The following ZNF236 variants were observed in gnomAD, a reference collection of about 807,000 sequenced individuals.
ZNF236 encodes zinc finger protein 236, also known as regulated by glucose.
A neutral mutation model predicts 191.2 loss-of-function variants in ZNF236; 50 were observed. The ratio of observed to expected loss-of-function variants is 0.26; its 90% CI spans 0.21 to 0.33. ZNF236 has a LOEUF of 0.33. Ranked by LOEUF, ZNF236 falls within the 10% of genes least tolerant of loss-of-function variation. ZNF236 has a pLI of 1.00. For missense variants in ZNF236, 1,754 were observed against 2,374.5 expected, an observed-to-expected ratio of 0.74 and a Z score of 5.43; for synonymous variants, 907 against 928.8, an observed-to-expected ratio of 0.98 and a Z score of 0.43.
chr18:76,853,694 G>A (rs982765546), intron 3 of ZNF236, among the ~76,000 whole-genome samples: 1 of 152,002 alleles, frequency 6.6e-6, no homozygotes, highest in Non-Finnish European at 1.5e-5. Flanking sequence ...TGGGGACTAA[G>A]TTAATAAGAA....
At chr18:76,852,372 A>C (rs1975902689) in intron 3 of ZNF236, among the ~76,000 whole-genome samples, 1 of 152,220 alleles carries the variant, frequency 6.6e-6, no homozygotes, top group African/African-American at 2.4e-5. Context: ...TGATGGCCCA[A>C]AGCAGCTTAT....
At chr18:76,894,969 G>T in intron 9 of ZNF236, 44 bp from the exon 10 acceptor site, 1 of 1,595,084 alleles carries the variant, frequency 6.3e-7, no homozygotes. Flanking sequence ...CTGACCCTAG[G>T]CGGGGTGTCC....
At chr18:76,939,220 C>T (rs1599412318) in intron 26 of ZNF236, among the ~76,000 whole-genome samples, 1 of 152,110 alleles carries the variant, frequency 6.6e-6, no homozygotes, top group Non-Finnish European at 1.5e-5. Context: ...GTGATTCCAG[C>T]TACTTGGGAG....
In ZNF236 at chr18:76,880,844, GT is replaced by G. The variant is rs1469550521; in HGVS notation, c.1189-437del. 3.3e-5 allele frequency among the ~76,000 whole-genome samples: 5 copies of G among 152,100 alleles called. No homozygotes were observed. The highest frequency in any genetic ancestry group is 1.2e-4 in the African/African-American group (5 of 41,428). On this transcript the variant is annotated intron_variant, in intron 8 of 30. Coordinates refer to ENST00000320610, the MANE Select transcript of ZNF236 (RefSeq NM_001306089.2). The surrounding 1 kb of genome is among the most constrained non-coding windows in gnomAD (Gnocchi z 5.0). ...CACTCCTCCTGTCTCTCTGTTACTT[GT>G]TTAACCTTCCTCCTGTACCTTCATG... is the stretch of plus-strand genomic sequence containing the variant.
intron 27 of ZNF236, 62 bp from the exon 28 acceptor site, chr18:76,955,923 G>A: frequency 6.5e-7 from 1 of 1,542,694 alleles, no homozygotes; most frequent in South Asian, 1.2e-5. Context: ...GTGTGTGTCA[G>A]TTCACAAACT....
chr18:76,829,122 A>G (rs527688636), intron 1 of ZNF236, among the ~76,000 whole-genome samples: 2 of 152,336 alleles, frequency 1.3e-5, no homozygotes, highest in African/African-American at 4.8e-5. Flanking sequence ...GATAAAGTCA[A>G]TTCCACACTT....
chr18:76,905,470 G>A (rs1301411551), intron 13 of ZNF236, 55 bp downstream of exon 13: 4 of 1,562,092 alleles, frequency 2.6e-6, no homozygotes, highest in Middle Eastern at 1.7e-4. Flanking sequence ...CCAGTAGATG[G>A]TGGGGAGTGT....
intron 26 of ZNF236, among the ~76,000 whole-genome samples, chr18:76,939,344 C>CA (rs1192746386): frequency 1.3e-5 from 2 of 152,030 alleles, no homozygotes; most frequent in African/African-American, 4.8e-5. Flanking sequence ...AAAACAAAAA[C>CA]AAACAAACAA....
In ZNF236 at chr18:76,875,220, A is replaced by T. The variant is rs370557049; in HGVS notation, c.668-272A>T. ...GGATGACTCCAAGGTTTTTTGCCTG[A>T]TCCCCTGGAAGGATGGCATTGCCTG... On this transcript the variant is annotated intron_variant, in intron 5 of 30. Coordinates refer to ENST00000320610, the MANE Select transcript of ZNF236 (RefSeq NM_001306089.2). The surrounding 1 kb of genome is among the most constrained non-coding windows in gnomAD (Gnocchi z 4.3). 3.2e-4 allele frequency among the ~76,000 whole-genome samples: 49 copies of T among 151,136 alleles called. No individual in the cohort carries two copies. The South Asian group carries it at 0.01, about 32-fold the overall frequency.
rs187894579 is a variant in ZNF236 at position 76,876,085 on chromosome 18, C to T, written c.840+421C>T. ...CTACAGAGCTCATATGGTACATGTC[C>T]GTTCCCTCTTGGACAGAGGCCTGCT... On this transcript the variant is annotated intron_variant, in intron 6 of 30. Transcript: ENST00000320610. Among the ~76,000 whole-genome samples, 59 of 152,302 alleles carry T rather than the reference C, an allele frequency of 3.9e-4. 1 individual carries two copies. The Middle Eastern group carries it at 0.01, about 26-fold the overall frequency.
intron 14 of ZNF236, 137 bp from the exon 15 acceptor site, chr18:76,909,931 A>T: frequency 1.6e-6 from 1 of 611,362 alleles, no homozygotes; most frequent in Non-Finnish European, 2.9e-6. Flanking sequence ...TGTATGTATT[A>T]AATTATCTCC....
intron 27 of ZNF236, among the ~76,000 whole-genome samples, chr18:76,954,087 G>T (rs1402991578): frequency 6.6e-6 from 1 of 152,190 alleles, no homozygotes; most frequent in Non-Finnish European, 1.5e-5. Context: ...TATGATTTTA[G>T]CAAGATTCTA....
intron 1 of ZNF236, among the ~76,000 whole-genome samples, chr18:76,833,501 A>G (rs1975231009): frequency 6.6e-6 from 1 of 152,060 alleles, no homozygotes; most frequent in South Asian, 2.1e-4. Context: ...AAAAACATTG[A>G]TTTTTCTAAT....
rs1369422170 is a variant in ZNF236, at chr18:76,875,351, C to G, written c.668-141C>G. 2.0e-5 allele frequency: 14 copies of G among 686,332 alleles called. No homozygotes were observed. Among genetic ancestry groups the G allele is most frequent in the Non-Finnish European group, 2.8e-5 (13 of 468,610 alleles). The allele number at this position is 686,332 out of a possible 1,614,324, so 42.5% of individuals were successfully genotyped here. ...TTAATTTTGAGATTTAAAGTAGACA[C>G]TTGTATATATGCATCTAGAGTTCTG... is the stretch of plus-strand genomic sequence containing the variant. On this transcript the variant is annotated intron_variant, in intron 5 of 30. Transcript: ENST00000320610. The surrounding 1 kb of genome is among the most constrained non-coding windows in gnomAD (Gnocchi z 4.3).
At chr18:76,914,701 A>G (rs530134999) in intron 18 of ZNF236, among the ~76,000 whole-genome samples, 1 of 152,176 alleles carries the variant, frequency 6.6e-6, no homozygotes, top group Non-Finnish European at 1.5e-5. Context: ...TTCTAATCCT[A>G]TGCCCATTTT....
chr18:76,884,976 G>A (rs1163501877), intron 9 of ZNF236: 2 of 152,176 alleles, frequency 1.3e-5, no homozygotes, highest in Non-Finnish European at 1.5e-5. Context: ...GCCCAAAGCA[G>A]TGTTAAAAAT....
intron 30 of ZNF236, among the ~76,000 whole-genome samples, chr18:76,964,906 T>G (rs1054190729): frequency 2.0e-5 from 3 of 152,174 alleles, no homozygotes; most frequent in Non-Finnish European, 4.4e-5. Flanking sequence ...TCTTTGTGCT[T>G]CTTGTATTTG....
chr18:76,937,818 A>G (rs1968040394), intron 26 of ZNF236, among the ~76,000 whole-genome samples: 1 of 152,194 alleles, frequency 6.6e-6, no homozygotes, highest in Non-Finnish European at 1.5e-5. Context: ...GTGCTGTGCC[A>G]AAGGGGTGTA....
Position 76,908,577 on chromosome 18 carries a change from A to T in ZNF236, c.2551+4A>T. On this transcript the variant is annotated splice_donor_region_variant and intron_variant, in intron 14 of 30. Transcript: ENST00000320610. ...CAGCCCCTGGAAGCAGATGAAGGTA[A>T]ATGTTTCAGGATATTTAACTTTGAG... The T allele has an allele frequency of 6.3e-7, 1 of 1,599,046 alleles. No homozygotes were observed. The highest frequency in any genetic ancestry group is 8.5e-7 in the Non-Finnish European group (1 of 1,173,232).
Sources: gnomAD v4.1 joint callset for allele counts (sites outside exome capture counted in the v4.1 genomes callset) on GRCh38, gnomAD v4.1.1 for gene constraint, Gnocchi (gnomAD v3.1) non-coding constraint, MANE v1.5 for transcripts, NCBI Gene and HGNC (gene_info 2026-07-23, HGNC 2026-07-21) for gene names.